The following SEM1 variants were observed in gnomAD, a reference collection of about 807,000 sequenced individuals.
SEM1 encodes 26S proteasome complex subunit SEM1.
Under a neutral mutation model 12.7 loss-of-function variants are expected in SEM1, and 3 were observed. The ratio of observed to expected loss-of-function variants is 0.24; its 90% CI spans 0.11 to 0.61. The LOEUF (loss-of-function observed/expected upper bound fraction) is 0.61. SEM1 is among the 20% of genes least tolerant of loss of function. The pLI is 0.88. For missense variants in SEM1, 59 were observed against 81.3 expected (o/e 0.73, Z 1.06); for synonymous variants, 30 against 27.8 (o/e 1.08, Z -0.25).
At chr7:96,704,469 GA>G (rs1790384413) in intron 1 of SEM1, among the ~76,000 whole-genome samples, 1 of 152,122 alleles carries the variant, frequency 6.6e-6, no homozygotes, top group South Asian at 2.1e-4. Flanking sequence ...GTGACTAGCT[GA>G]AAGTTTATGA....
chr7:96,617,404 T>A (rs1005905408), intron 2 of SEM1, among the ~76,000 whole-genome samples: 8 of 152,192 alleles, frequency 5.3e-5, no homozygotes, highest in Non-Finnish European at 7.4e-5. Context: ...GGACAGAAAC[T>A]ACTGAATTTA....
At chr7:96,624,892 TCTA>T (rs966238347) in intron 2 of SEM1, among the ~76,000 whole-genome samples, 8 of 152,314 alleles carry the variant, frequency 5.3e-5, no homozygotes, top group African/African-American at 1.9e-4. Flanking sequence ...TAGCCAATCT[TCTA>T]CTAGCTATTG....
intron 1 of SEM1, among the ~76,000 whole-genome samples, chr7:96,493,328 G>A (rs1044283642): frequency 8.6e-5 from 13 of 151,626 alleles, no homozygotes; most frequent in Non-Finnish European, 1.3e-4. Flanking sequence ...ACAATTTTTC[G>A]AAAATGCATT....
chr7:96,588,322 G>A (rs1323994949), intron 2 of SEM1, among the ~76,000 whole-genome samples: 2 of 150,572 alleles, frequency 1.3e-5, no homozygotes, highest in Admixed American at 1.3e-4. Context: ...ACTCCAGCCT[G>A]TGCAACAGAG....
At position 96,709,700 on chromosome 7, in the gene SEM1, A is replaced by G. The variant is rs1269478835; in HGVS notation, c.64T>C (p.Phe22Leu). Reference sequence around the variant, plus strand: ...GCCCAGCGGTTACCTTCGGCAGGGAACTCTTCAAACTCGTCGTCTTCCTCT... The same window carrying G: ...GCCCAGCGGTTACCTTCGGCAGGGAGCTCTTCAAACTCGTCGTCTTCCTCT... ...LLEEDDEFEE[F>L]PAEDWAGLDE... The change falls in exon 1 of 3, where the codon TTC (phenylalanine) becomes CTC (leucine). Residue 22 changes from phenylalanine (F) to leucine (L), a missense_variant. By Grantham distance (22) the Phe-to-Leu change is conservative. Coordinates refer to ENST00000248566, the MANE Select transcript of SEM1 (RefSeq NM_006304.2). The G allele has an allele frequency of 6.2e-7, 1 of 1,612,034 alleles. No individual in the cohort carries two copies. Among genetic ancestry groups the G allele is most frequent in the South Asian group, 1.1e-5 (1 of 90,978 alleles).
intron 2 of SEM1, 48 bp downstream of exon 2, chr7:96,694,750 G>A (rs1790035866): frequency 8.5e-7 from 1 of 1,180,406 alleles, no homozygotes; most frequent in South Asian, 1.3e-5. Flanking sequence ...CATATTCCAT[G>A]CTTATAATTA....
chr7:96,580,465 A>G (rs1379051490), intron 2 of SEM1, among the ~76,000 whole-genome samples: 1 of 151,412 alleles, frequency 6.6e-6, no homozygotes, highest in Non-Finnish European at 1.5e-5. Context: ...CATGATTTAT[A>G]GTCCTTTGGG....
At position 96,605,267 on chromosome 7, in the gene SEM1, G is replaced by A. The variant is rs117724924; in HGVS notation, c.170+89531C>T. On this transcript the variant is annotated intron_variant and NMD_transcript_variant, in intron 2 of 3. Transcript: ENST00000466986. ...AGCCTTTGGCCCTACATTGGCATTC[G>A]TGAGGTACAGAGGCCAAAACTAAAT... Among the ~76,000 whole-genome samples the A allele has an allele frequency of 9.1e-3, 1,385 of 152,178 alleles. 10 individuals carry two copies. Among genetic ancestry groups the A allele is most frequent in the Non-Finnish European group, 0.017 (1,128 of 68,022 alleles).
intron 1 of SEM1, among the ~76,000 whole-genome samples, chr7:96,495,487 T>A (rs1474766748): frequency 1.3e-5 from 2 of 152,168 alleles, no homozygotes; most frequent in Non-Finnish European, 2.9e-5. Flanking sequence ...TAGCCACTAC[T>A]GCAGTTATGA....
intron 2 of SEM1, among the ~76,000 whole-genome samples, chr7:96,689,581 G>A (rs772102823): frequency 2.6e-5 from 4 of 152,174 alleles, no homozygotes; most frequent in Admixed American, 2.0e-4. Flanking sequence ...CATCCAATAA[G>A]ATAGACATTT....
At chr7:96,584,488 C>G (rs1461876326) in intron 2 of SEM1, among the ~76,000 whole-genome samples, 1 of 151,982 alleles carries the variant, frequency 6.6e-6, no homozygotes, top group Non-Finnish European at 1.5e-5. Flanking sequence ...GGCATTCTCT[C>G]TATTTCCTGA....
intron 2 of SEM1, among the ~76,000 whole-genome samples, chr7:96,599,755 G>A (rs1917487): frequency 0.92 from 140,431 of 152,218 alleles, 65,828 homozygotes; most frequent in East Asian, 1. Flanking sequence ...CTGTCTTTAT[G>A]TAGTCACTAG....
rs79558617 is a variant in SEM1, at chr7:96,493,327, C to T, written c.12+2957G>A. Reference sequence around the variant, plus strand: ...ATCTCAAATACATTTTACAATTTTTCGAAAATGCATTTCCTATCCAAGTTA... The same window carrying T: ...ATCTCAAATACATTTTACAATTTTTTGAAAATGCATTTCCTATCCAAGTTA... On this transcript the variant is annotated intron_variant, in intron 1 of 3. Transcript: ENST00000356686. Among the ~76,000 whole-genome samples, 944 of 151,900 alleles carry T rather than the reference C, an allele frequency of 6.2e-3. 14 individuals are homozygous for T. Among genetic ancestry groups the T allele is most frequent in the East Asian group, 0.026 (134 of 5,146 alleles).
intron 2 of SEM1, among the ~76,000 whole-genome samples, chr7:96,577,675 G>A (rs1806250997): frequency 6.6e-6 from 1 of 151,706 alleles, no homozygotes; most frequent in African/African-American, 2.4e-5. Flanking sequence ...AACTGGTTCT[G>A]GTTATGTAGT....
At chr7:96,660,602 A>T (rs994174242) in intron 2 of SEM1, among the ~76,000 whole-genome samples, 10 of 152,168 alleles carry the variant, frequency 6.6e-5, no homozygotes, top group Admixed American at 2.0e-4. Context: ...TAGAAATTTT[A>T]AAATTGTCTA....
intron 1 of SEM1, among the ~76,000 whole-genome samples, chr7:96,698,956 C>T (rs966312419): frequency 2.0e-5 from 3 of 152,072 alleles, no homozygotes; most frequent in South Asian, 2.1e-4. Context: ...TTTTTTCTTT[C>T]GCTTCCTGAA....
intron 2 of SEM1, among the ~76,000 whole-genome samples, chr7:96,632,785 T>G (rs923741560): frequency 3.5e-4 from 3 of 8,542 alleles, no homozygotes; most frequent in Non-Finnish European, 2.0e-3. Flanking sequence ...TTGTTTTTTG[T>G]TTTTTTTTTT....
chr7:96,579,498 T>G (rs547797671), intron 2 of SEM1, among the ~76,000 whole-genome samples: 11 of 152,290 alleles, frequency 7.2e-5, no homozygotes, highest in Non-Finnish European at 1.0e-4. Context: ...TCCTAAAGTA[T>G]CTACATATGA....
chr7:96,679,296 G>A (rs925470667), intron 2 of SEM1, among the ~76,000 whole-genome samples: 4 of 152,026 alleles, frequency 2.6e-5, no homozygotes, highest in Non-Finnish European at 4.4e-5. Flanking sequence ...CCACTACTTT[G>A]AAATATCATC....
Sources: gnomAD v4.1 joint callset for allele counts (sites outside exome capture counted in the v4.1 genomes callset) on GRCh38, gnomAD v4.1.1 for gene constraint, MANE v1.5 for transcripts, NCBI Gene and HGNC (gene_info 2026-07-23, HGNC 2026-07-21) for gene names.